The following FSHR variants were observed in gnomAD, a reference collection of about 807,000 sequenced individuals.
The protein encoded by FSHR is follicle stimulating hormone receptor, also known as follicle-stimulating hormone receptor.
FSHR carries 46 observed loss-of-function variants against 52.1 expected under a neutral mutation model. The ratio of observed to expected loss-of-function variants is 0.88; its 90% confidence interval spans 0.70 to 1.13. The LOEUF (loss-of-function observed/expected upper bound fraction) is 1.13, where lower values mean the gene tolerates loss of function less well. FSHR is among the 50% of genes most tolerant of loss of function. The probability of loss-of-function intolerance (pLI) is 0.00; values close to 1 mark genes in which losing one functional copy is unlikely to be tolerated. For missense variants in FSHR, 964 were observed against 834.6 expected, an observed-to-expected ratio of 1.16 and a Z score of -1.91; for synonymous variants, 399 against 309.6, an observed-to-expected ratio of 1.29 and a Z score of -3.03.
intron 6 of FSHR, among the ~76,000 whole-genome samples, chr2:48,987,837 A>AAC (rs72108367): frequency 0.024 from 3,503 of 146,050 alleles, 106 homozygotes; most frequent in African/African-American, 0.078. Flanking sequence ...ACCTCATCTC[A>AAC]ACACACACAC....
chr2:49,059,924 A>G (rs1669222474), intron 2 of FSHR, among the ~76,000 whole-genome samples: 1 of 152,162 alleles, frequency 6.6e-6, no homozygotes, highest in Non-Finnish European at 1.5e-5. Flanking sequence ...AAAGACAACC[A>G]CAGAATGGGA....
intron 1 of FSHR, among the ~76,000 whole-genome samples, chr2:49,146,723 G>T (rs2103851659): frequency 6.6e-6 from 1 of 152,132 alleles, no homozygotes; most frequent in Admixed American, 6.6e-5. Context: ...TTTGAGAATT[G>T]AAAACATCTC....
At chr2:49,066,329 G>C (rs371585750) in intron 2 of FSHR, among the ~76,000 whole-genome samples, 17 of 152,134 alleles carry the variant, frequency 1.1e-4, no homozygotes, top group African/African-American at 3.9e-4. Context: ...TATTTATTAA[G>C]TTCAGGAAAC....
chr2:48,968,701 T>A lies in FSHR; in HGVS notation c.851A>T (p.Gln284Leu). The A allele has an allele frequency of 6.2e-7, 1 of 1,614,114 alleles. No individual in the cohort carries two copies. The highest frequency in any genetic ancestry group is 8.5e-7 in the Non-Finnish European group (1 of 1,179,976). The change falls in exon 9 of 10, where the codon CAA (glutamine) becomes CTA (leucine). Residue 284 changes from glutamine to leucine, a missense_variant. Coordinates refer to ENST00000406846, the MANE Select transcript of FSHR (RefSeq NM_000145.4). ...HCCAFANWRRQISELHPICNK... is the reference protein window; with the variant it reads ...HCCAFANWRRLISELHPICNK... Reference sequence around the variant, plus strand: ...AGGGCTTAAAGGATGGACTCACATTTGCCGTCTCCAGTTTGCAAAGGCACA... The same window carrying A: ...AGGGCTTAAAGGATGGACTCACATTAGCCGTCTCCAGTTTGCAAAGGCACA...
At chr2:49,008,441 G>C (rs1272148285) in intron 4 of FSHR, among the ~76,000 whole-genome samples, 2 of 151,624 alleles carry the variant, frequency 1.3e-5, no homozygotes, top group Non-Finnish European at 2.9e-5. Flanking sequence ...GGACATTTGG[G>C]TTTGTTCCAA....
intron 1 of FSHR, among the ~76,000 whole-genome samples, chr2:49,132,061 A>G (rs1299399994): frequency 6.6e-6 from 1 of 152,184 alleles, no homozygotes; most frequent in Non-Finnish European, 1.5e-5. Context: ...GCATTAAAAG[A>G]GTCTATGTGT....
chr2:49,021,560 A>C (rs1452384867), intron 2 of FSHR, among the ~76,000 whole-genome samples: 1 of 132,252 alleles, frequency 7.6e-6, no homozygotes, highest in East Asian at 2.2e-4. Flanking sequence ...GGGAAAAAAG[A>C]AGGCCCCTGG....
At chr2:49,049,824 A>AATATATATATATATATATATATATAT (rs5831020) in intron 2 of FSHR, among the ~76,000 whole-genome samples, 33 of 144,894 alleles carry the variant, frequency 2.3e-4, no homozygotes, top group African/African-American at 8.8e-4. Context: ...CCCCTACTCT[A>AATATATATATATATATATATATATAT]ATATATATAT....
chr2:49,013,144 A>T (rs1174287354), intron 4 of FSHR, among the ~76,000 whole-genome samples: 1 of 112,064 alleles, frequency 8.9e-6, no homozygotes. Context: ...CCACTTTCTC[A>T]CTCTCACTCT....
At chr2:48,967,138 C>T (rs945643670) in intron 9 of FSHR, among the ~76,000 whole-genome samples, 1 of 152,154 alleles carries the variant, frequency 6.6e-6, no homozygotes, top group African/African-American at 2.4e-5. Context: ...CTCTGCTGCC[C>T]AGGCTGAAGT....
chr2:49,123,837 G>C (rs1671904033), intron 1 of FSHR, among the ~76,000 whole-genome samples: 1 of 152,080 alleles, frequency 6.6e-6, no homozygotes, highest in South Asian at 2.1e-4. Context: ...TTATCATCAG[G>C]GGAGGGAGGG....
intron 1 of FSHR, among the ~76,000 whole-genome samples, chr2:49,142,210 G>A (rs528804206): frequency 6.6e-6 from 1 of 152,098 alleles, no homozygotes; most frequent in Non-Finnish European, 1.5e-5. Flanking sequence ...TTCTAGTGGT[G>A]GGGAGGAAAG....
At chr2:49,087,882 T>C (rs1261591852) in intron 1 of FSHR, among the ~76,000 whole-genome samples, 1 of 152,206 alleles carries the variant, frequency 6.6e-6, no homozygotes, top group African/African-American at 2.4e-5. Flanking sequence ...ATTTTAATTA[T>C]ATTGAGAGAG....
chr2:48,996,639 C>T (rs1676034750), intron 4 of FSHR, among the ~76,000 whole-genome samples: 1 of 151,948 alleles, frequency 6.6e-6, no homozygotes, highest in South Asian at 2.1e-4. Flanking sequence ...GGATAAAAGG[C>T]CCTAGATAGA....
intron 1 of FSHR, among the ~76,000 whole-genome samples, chr2:49,138,944 G>T (rs77523292): frequency 1.3e-5 from 2 of 152,082 alleles, no homozygotes; most frequent in South Asian, 2.1e-4. Flanking sequence ...GGTGTGTGGG[G>T]TATGAGATAA....
At chr2:49,035,907 A>G (rs949046030) in intron 2 of FSHR, among the ~76,000 whole-genome samples, 1 of 152,254 alleles carries the variant, frequency 6.6e-6, no homozygotes, top group Non-Finnish European at 1.5e-5. Context: ...TTCTTAGATC[A>G]TAAGATGCAG....
intron 6 of FSHR, 71 bp from the exon 7 acceptor site, chr2:48,983,237 G>A: frequency 1.4e-6 from 2 of 1,438,958 alleles, no homozygotes; most frequent in Non-Finnish European, 1.9e-6. Context: ...ATAATTGGAA[G>A]CACTGAGCAA....
Position 48,962,492 on chromosome 2 carries a change from A to T in FSHR, c.*241T>A. The T allele has an allele frequency of 2.0e-6, 1 of 506,920 alleles. No individual in the cohort carries two copies. The highest frequency in any genetic ancestry group is 3.5e-6 in the Non-Finnish European group (1 of 282,540). The allele number at this position is 506,920 out of a possible 1,614,324, so 31.4% of individuals were successfully genotyped here. ...TGAACATAACGTGCAAAAATAACAT[A>T]TATAAGGATAAAATATGTAATACAG... On this transcript the variant is annotated 3_prime_UTR_variant, in exon 10 of 10. Coordinates refer to ENST00000406846, the MANE Select transcript of FSHR (RefSeq NM_000145.4).
intron 2 of FSHR, among the ~76,000 whole-genome samples, chr2:49,027,676 A>C (rs7595525): frequency 0.31 from 47,442 of 151,810 alleles, 8,203 homozygotes; most frequent in East Asian, 0.49. Flanking sequence ...ATGGCAAAAC[A>C]CCATCTCTAC....
Sources: allele counts gnomAD v4.1 joint callset (sites outside exome capture counted in the v4.1 genomes callset), GRCh38; gene constraint gnomAD v4.1.1; transcripts MANE v1.5; gene names NCBI Gene and HGNC (gene_info 2026-07-23, HGNC 2026-07-21).